Variants in AGMO observed in about 807,000 individuals in gnomAD.
AGMO encodes the protein glyceryl-ether monooxygenase.
In AGMO, 75 loss-of-function variants were observed where a neutral mutation model predicts 60.2. That is an observed-to-expected ratio of 1.25 (90% confidence interval 1.03 to 1.51). The LOEUF is 1.51. Ranked by LOEUF, AGMO falls within the 40% of genes most tolerant of loss-of-function variation. The pLI, the probability that AGMO is intolerant of heterozygous loss-of-function variation, is 0.00. For missense variants in AGMO, 763 were observed against 525.5 expected (o/e 1.45, Z -4.42); for synonymous variants, 261 against 177.1 (o/e 1.47, Z -3.76).
rs77454479 is a variant in AGMO at position 15,223,762 on chromosome 7, T to C, written c.1264-22403A>G. Among the ~76,000 whole-genome samples the C allele has an allele frequency of 2.6e-4, 40 of 151,970 alleles. No homozygotes were observed. The East Asian group carries it at 7.7e-3, about 29-fold the overall frequency. The stretch of plus-strand genomic sequence containing the variant: ...TCTTTATTAATACCTGCCCCATCCA[T>C]TTAAAATTTATTATACACTTAATAT... On this transcript the variant is annotated intron_variant, in intron 12 of 12. Transcript: ENST00000342526.
the AGMO span, among the ~76,000 whole-genome samples, chr7:15,152,803 G>A: frequency 6.6e-6 from 1 of 152,088 alleles, no homozygotes; most frequent in African/African-American, 2.4e-5. Context: ...TGCTATAAAG[G>A]TGTGTATGCA....
intron 12 of AGMO, among the ~76,000 whole-genome samples, chr7:15,221,303 A>G (rs1781914645): frequency 6.6e-6 from 1 of 152,142 alleles, no homozygotes; most frequent in Non-Finnish European, 1.5e-5. Context: ...GAGCTCTTGT[A>G]AGTCATCTAG....
chr7:15,227,099 TCTTG>T (rs1235334694), intron 12 of AGMO, among the ~76,000 whole-genome samples: 1 of 152,108 alleles, frequency 6.6e-6, no homozygotes, highest in African/African-American at 2.4e-5. Flanking sequence ...ATTGTTTTTT[TCTTG>T]CTTAATTGAA....
chr7:15,329,088 C>G (rs1161530400), intron 12 of AGMO, among the ~76,000 whole-genome samples: 5 of 152,156 alleles, frequency 3.3e-5, no homozygotes, highest in Non-Finnish European at 5.9e-5. Flanking sequence ...CCTTTCCCCT[C>G]TCTTTGTTGT....
chr7:15,531,071 CTATATATATTCTA>C lies in AGMO; in HGVS notation c.409+13688_409+13700del, dbSNP rs1784313784. Among the ~76,000 whole-genome samples, 3 of 62,016 alleles carry C rather than the reference CTATATATATTCTA, an allele frequency of 4.8e-5. 1 individual carries two copies. Among genetic ancestry groups the C allele is most frequent in the African/African-American group, 1.4e-4 (2 of 14,552 alleles). The allele number at this position is 62,016 out of a possible 152,430, so 40.7% of individuals were successfully genotyped here. Reference sequence around the variant, plus strand: ...ATTCTATATATATTCTGTATATATTCTATATATATTCTATATATATATTCTATATATATTCTAT... The same window carrying C: ...ATTCTATATATATTCTGTATATATTCTATATATATTCTATATATATTCTAT... On this transcript the variant is annotated intron_variant, in intron 3 of 12. Transcript: ENST00000342526.
At chr7:15,303,722 A>T (rs558091830) in intron 12 of AGMO, among the ~76,000 whole-genome samples, 173 of 152,284 alleles carry the variant, frequency 1.1e-3, no homozygotes, top group African/African-American at 4.0e-3. Context: ...AACTTGATAC[A>T]AGCTATGGAA....
chr7:15,120,300 T>TCAAACTGATAAATCCAATCAACC, the AGMO span, among the ~76,000 whole-genome samples: 4 of 152,150 alleles, frequency 2.6e-5, no homozygotes. Context: ...ATCCAATGGT[T>TCAAACTGATAAATCCAATCAACC]GATCCTAAGA....
chr7:15,542,514 T>C (rs1482875116), intron 3 of AGMO, among the ~76,000 whole-genome samples: 1 of 152,212 alleles, frequency 6.6e-6, no homozygotes, highest in Non-Finnish European at 1.5e-5. Context: ...TAATGGGCTT[T>C]CCAGGAGTAA....
intron 12 of AGMO, among the ~76,000 whole-genome samples, chr7:15,275,703 T>C (rs981359838): frequency 3.3e-5 from 5 of 152,326 alleles, no homozygotes; most frequent in African/African-American, 9.6e-5. Flanking sequence ...ATTTATTTTA[T>C]GAATCTGGGT....
At chr7:15,558,843 A>T (rs978899) in intron 2 of AGMO, among the ~76,000 whole-genome samples, 7,155 of 152,142 alleles carry the variant, frequency 0.047, 572 homozygotes, top group African/African-American at 0.16. Flanking sequence ...GTTATTTTTT[A>T]AAAATCCACC....
chr7:15,479,079 C>A (rs1159827175), intron 3 of AGMO, among the ~76,000 whole-genome samples: 2 of 151,994 alleles, frequency 1.3e-5, no homozygotes, highest in African/African-American at 4.8e-5. Flanking sequence ...TAGTTTTCAT[C>A]AAAATAAATA....
chr7:15,508,958 G>A (rs1465499840), intron 3 of AGMO, among the ~76,000 whole-genome samples: 1 of 152,074 alleles, frequency 6.6e-6, no homozygotes, highest in Non-Finnish European at 1.5e-5. Context: ...AAGAAATTTA[G>A]TCAAAAATGC....
chr7:15,486,282 G>C (rs1197360773), intron 3 of AGMO, among the ~76,000 whole-genome samples: 2 of 152,104 alleles, frequency 1.3e-5, no homozygotes, highest in Admixed American at 6.5e-5. Context: ...GGGTACCATT[G>C]TGATTTAGGA....
chr7:15,492,938 C>T (rs1230312104), intron 3 of AGMO, among the ~76,000 whole-genome samples: 1 of 152,100 alleles, frequency 6.6e-6, no homozygotes, highest in East Asian at 1.9e-4. Flanking sequence ...TTGACGCCAT[C>T]ACTTTCGTCT....
At chr7:15,233,685 A>T (rs1198305482) in intron 12 of AGMO, among the ~76,000 whole-genome samples, 1 of 152,166 alleles carries the variant, frequency 6.6e-6, no homozygotes, top group Non-Finnish European at 1.5e-5. Context: ...AGCCCACATA[A>T]CACACATTGC....
chr7:15,542,816 G>A (rs1784667545), intron 3 of AGMO, among the ~76,000 whole-genome samples: 1 of 152,176 alleles, frequency 6.6e-6, no homozygotes, highest in Admixed American at 6.5e-5. Flanking sequence ...GACCTATTAT[G>A]TGTCAAAGAC....
chr7:15,171,014 C>A, the AGMO span, among the ~76,000 whole-genome samples: 1 of 151,966 alleles, frequency 6.6e-6, no homozygotes, highest in Admixed American at 6.6e-5. Context: ...CTCGCTCTGT[C>A]ACACAGGCTG....
chr7:15,527,927 C>A (rs1784167316), intron 3 of AGMO, among the ~76,000 whole-genome samples: 1 of 151,602 alleles, frequency 6.6e-6, no homozygotes, highest in Admixed American at 6.6e-5. Context: ...ATGTATTGCT[C>A]TGAAAAAAAA....
intron 3 of AGMO, among the ~76,000 whole-genome samples, chr7:15,492,564 C>G (rs73679634): frequency 0.054 from 8,181 of 151,674 alleles, 306 homozygotes; most frequent in African/African-American, 0.11. Flanking sequence ...TTTCAGTCCC[C>G]CATGCTCCCT....
Sources: allele counts gnomAD v4.1 joint callset (sites outside exome capture counted in the v4.1 genomes callset), GRCh38; gene constraint gnomAD v4.1.1; transcripts MANE v1.5; gene names NCBI Gene and HGNC (gene_info 2026-07-23, HGNC 2026-07-21).